Variants in P4HA3 observed in about 807,000 individuals in gnomAD.
P4HA3 encodes the protein prolyl 4-hydroxylase subunit alpha-3.
Under a neutral mutation model 66.7 loss-of-function variants are expected in P4HA3, and 60 were observed. That is an observed-to-expected ratio of 0.90 (90% CI 0.73 to 1.12). The LOEUF is 1.12. P4HA3 is among the 50% of genes most tolerant of loss of function. The pLI is 0.00. For missense variants in P4HA3, 683 were observed against 685.8 expected (o/e 1.00, Z 0.05); for synonymous variants, 263 against 274.6 (o/e 0.96, Z 0.42).
chr11:74,303,612 G>A (rs1283167663), intron 2 of P4HA3, among the ~76,000 whole-genome samples: 3 of 146,658 alleles, frequency 2.0e-5, no homozygotes, highest in South Asian at 2.2e-4. Flanking sequence ...ACAAAGTCTC[G>A]CTCTGTCACC....
At chr11:74,272,988 C>T (rs111657212) in intron 10 of P4HA3, among the ~76,000 whole-genome samples, 6,048 of 152,206 alleles carry the variant, frequency 0.04, 127 homozygotes, top group Middle Eastern at 0.11. Context: ...ATTGGTTTAT[C>T]TTGAAAGGGG....
At chr11:74,301,495 T>C (rs1018883423) in intron 3 of P4HA3, among the ~76,000 whole-genome samples, 6 of 152,136 alleles carry the variant, frequency 3.9e-5, no homozygotes, top group African/African-American at 1.2e-4. Context: ...GTAGAGAGAC[T>C]CAAGCAGCCT....
chr11:74,261,591 A>G (rs117972259), intron 14 of P4HA3, among the ~76,000 whole-genome samples: 1,840 of 152,230 alleles, frequency 0.012, 19 homozygotes, highest in Non-Finnish European at 0.021. Flanking sequence ...CTCTTTCACT[A>G]GTATTTTGCT....
intron 11 of P4HA3, among the ~76,000 whole-genome samples, chr11:74,268,813 G>A (rs527783688): frequency 3.9e-5 from 6 of 152,262 alleles, no homozygotes; most frequent in African/African-American, 9.6e-5. Flanking sequence ...GTGTTCTGAC[G>A]CTAAATCCTG....
exon 15 of P4HA3, chr11:74,260,074 TTC>T (rs1390291751): frequency 1.3e-5 from 2 of 152,356 alleles, no homozygotes; most frequent in East Asian, 3.9e-4. Context: ...GACACTTATT[TTC>T]TGTTTTTTAA....
At chr11:74,262,791 C>T (rs1014214347), downstream of P4HA3, among the ~76,000 whole-genome samples, 1 of 152,202 alleles carries the variant, frequency 6.6e-6, no homozygotes, top group Admixed American at 6.5e-5. Flanking sequence ...TTGGCTTCTC[C>T]CAGCTTGAGC....
intron 3 of P4HA3, among the ~76,000 whole-genome samples, chr11:74,301,004 G>C (rs554432680): frequency 6.6e-6 from 1 of 152,134 alleles, no homozygotes; most frequent in East Asian, 1.9e-4. Context: ...TGTGCTGAAT[G>C]AAAGAAGCTG....
chr11:74,286,842 G>T (rs1213663289), intron 5 of P4HA3, among the ~76,000 whole-genome samples: 5 of 152,176 alleles, frequency 3.3e-5, no homozygotes, highest in Admixed American at 6.5e-5. Flanking sequence ...GGAGAAAAAG[G>T]ACATTAAATT....
chr11:74,268,057 G>T, intron 12 of P4HA3, 88 bp downstream of exon 12: 1 of 1,134,866 alleles, frequency 8.8e-7, no homozygotes, highest in Non-Finnish European at 1.3e-6. Flanking sequence ...TTTGGAATGG[G>T]ATGGCTGTGG....
intron 7 of P4HA3, among the ~76,000 whole-genome samples, chr11:74,284,751 T>C (rs1860729267): frequency 6.6e-6 from 1 of 152,062 alleles, no homozygotes; most frequent in African/African-American, 2.4e-5. Flanking sequence ...GTCTGGTTTG[T>C]GGCTCTCCCA....
downstream of P4HA3, among the ~76,000 whole-genome samples, chr11:74,263,785 G>A (rs528511598): frequency 4.6e-5 from 7 of 152,300 alleles, no homozygotes; most frequent in Non-Finnish European, 7.4e-5. Flanking sequence ...CAGAAACCCC[G>A]GTTGGACAAG....
In P4HA3 at chr11:74,300,970, T is replaced by C. The variant is rs1861388414; in HGVS notation, c.567+1399A>G. 1.3e-5 allele frequency among the ~76,000 whole-genome samples: 2 copies of C among 152,096 alleles called. 1 individual carries two copies. Among genetic ancestry groups the C allele is most frequent in the African/African-American group, 4.8e-5 (2 of 41,412 alleles). The stretch of plus-strand genomic sequence containing the variant: ...AATAAACTACTAACAAATGATACAA[T>C]ATGGATGAATTCCACAGATACAATG... On this transcript the variant is annotated intron_variant, in intron 3 of 12. Transcript: ENST00000331597.
intron 10 of P4HA3, among the ~76,000 whole-genome samples, chr11:74,272,239 CACAT>C (rs988578869): frequency 2.6e-5 from 4 of 152,050 alleles, no homozygotes; most frequent in African/African-American, 7.2e-5. Flanking sequence ...CACACACACA[CACAT>C]GCATTTGCCA....
chr11:74,291,871 A>G (rs1287822803), intron 4 of P4HA3, among the ~76,000 whole-genome samples: 1 of 152,120 alleles, frequency 6.6e-6, no homozygotes, highest in Non-Finnish European at 1.5e-5. Flanking sequence ...GGATTTTTGC[A>G]TCAATGTTCA....
chr11:74,299,136 C>T (rs945508976), intron 3 of P4HA3, among the ~76,000 whole-genome samples: 35 of 152,262 alleles, frequency 2.3e-4, no homozygotes, highest in Admixed American at 2.1e-3. Flanking sequence ...GACATGGGAA[C>T]GCTATGGAAG....
intron 3 of P4HA3, among the ~76,000 whole-genome samples, chr11:74,301,731 G>A (rs774243948): frequency 6.6e-6 from 1 of 152,112 alleles, no homozygotes; most frequent in Non-Finnish European, 1.5e-5. Flanking sequence ...TATAATCAAA[G>A]ATCAGTTAAA....
intron 4 of P4HA3, among the ~76,000 whole-genome samples, chr11:74,293,665 T>G (rs538265586): frequency 6.6e-6 from 1 of 152,350 alleles, no homozygotes; most frequent in South Asian, 2.1e-4. Flanking sequence ...CTCCCAGCAT[T>G]TGCTTGTCTG....
In P4HA3 at chr11:74,253,392, TTGG is replaced by T. The variant is rs970154043; in HGVS notation, c.*1319-5394_*1319-5392del. Reference sequence around the variant, plus strand: ...GAAATGGGTCAGATTTGCCAGGGCCTTGGTGGTCATTAGGGAGGGCTTCCTGGA... The same window carrying T: ...GAAATGGGTCAGATTTGCCAGGGCCTTGGTCATTAGGGAGGGCTTCCTGGA... On this transcript the variant is annotated intron_variant and NMD_transcript_variant, in intron 15 of 15. Transcript: ENST00000524388. The T allele has an allele frequency of 2.4e-6, 3 of 1,253,980 alleles. No homozygotes were observed. The African/African-American group carries it at 4.4e-5, about 19-fold the overall frequency. The allele number at this position is 1,253,980 out of a possible 1,614,324, so 77.7% of individuals were successfully genotyped here.
At position 74,304,322 on chromosome 11, in the gene P4HA3, C is replaced by T. The variant is rs778915190; in HGVS notation, c.291G>A (p.Gln97=). ...TATGTACCACATTCCTCCAGTCAGA[C>T]TGCAGGCGTTTGATGAGAGTAAATG... The part of the protein sequence containing the change: ...LLAFTLIKRL[Q]SDWRNVVHSL... The change falls in exon 2 of 13, where the codon CAG becomes CAA. Residue 97 remains glutamine (Q), a synonymous_variant. Coordinates refer to ENST00000331597, the MANE Select transcript of P4HA3 (RefSeq NM_182904.5). The T allele has an allele frequency of 4.3e-6, 7 of 1,614,134 alleles. No individual in the cohort carries two copies. The highest frequency in any genetic ancestry group is 2.2e-5 in the East Asian group (1 of 44,878).
Sources: allele counts gnomAD v4.1 joint callset (sites outside exome capture counted in the v4.1 genomes callset), GRCh38; gene constraint gnomAD v4.1.1; transcripts MANE v1.5; gene names NCBI Gene and HGNC (gene_info 2026-07-23, HGNC 2026-07-21).